The following ABAT variants were observed in gnomAD, a reference collection of about 807,000 sequenced individuals.
The protein encoded by ABAT is 4-aminobutyrate aminotransferase, mitochondrial.
ABAT carries 45 observed loss-of-function variants against 64.6 expected under a neutral mutation model. The observed-to-expected ratio is 0.70, with a 90% CI of 0.55 to 0.89. The LOEUF is 0.89. ABAT is among the 40% of genes least tolerant of loss of function. The pLI is 0.00. For synonymous variants in ABAT, 297 were observed against 250.5 expected, an observed-to-expected ratio of 1.19 and a Z score of -1.75; for missense variants, 633 against 658.4, an observed-to-expected ratio of 0.96 and a Z score of 0.42.
At chr16:8,722,565 G>C (rs1271104469) in intron 1 of ABAT, among the ~76,000 whole-genome samples, 1 of 152,192 alleles carries the variant, frequency 6.6e-6, no homozygotes, top group Non-Finnish European at 1.5e-5. Context: ...CTCAAAGGAA[G>C]GGTAGTATGC....
intron 6 of ABAT, among the ~76,000 whole-genome samples, chr16:8,761,535 T>C (rs2142891938): frequency 6.6e-6 from 1 of 152,356 alleles, no homozygotes; most frequent in Middle Eastern, 3.4e-3. Flanking sequence ...TGCTGGGATT[T>C]GATGGTGAAT....
At chr16:8,681,293 G>A (rs866422731) in intron 1 of ABAT, among the ~76,000 whole-genome samples, 8 of 151,290 alleles carry the variant, frequency 5.3e-5, no homozygotes, top group African/African-American at 1.5e-4. Context: ...GCCTGGCCCA[G>A]AGTTCTTTAT....
At chr16:8,732,722 C>A (rs1421441487) in intron 1 of ABAT, among the ~76,000 whole-genome samples, 1 of 151,002 alleles carries the variant, frequency 6.6e-6, no homozygotes, top group Non-Finnish European at 1.5e-5. Flanking sequence ...GGCCCGTTCT[C>A]AATGAGCTGT....
At chr16:8,676,851 T>C (rs1361642002) in intron 1 of ABAT, among the ~76,000 whole-genome samples, 1 of 152,186 alleles carries the variant, frequency 6.6e-6, no homozygotes, top group Non-Finnish European at 1.5e-5. Flanking sequence ...CTCATCTCTG[T>C]TCAGAGGCCT....
intron 1 of ABAT, among the ~76,000 whole-genome samples, chr16:8,720,366 A>G (rs1484299979): frequency 6.6e-6 from 1 of 152,212 alleles, no homozygotes; most frequent in East Asian, 1.9e-4. Context: ...CTTTCCCCAC[A>G]TCATTCTCAG....
At chr16:8,695,583 C>T (rs1464195985) in intron 1 of ABAT, among the ~76,000 whole-genome samples, 1 of 152,214 alleles carries the variant, frequency 6.6e-6, no homozygotes, top group African/African-American at 2.4e-5. Context: ...TCCACTACAT[C>T]AGAAGACGTT....
Position 8,735,797 on chromosome 16 carries a change from C to G in ABAT, c.58C>G (p.Leu20Val), listed in dbSNP as rs747283357. 9.3e-6 allele frequency: 15 copies of G among 1,604,354 alleles called. No individual in the cohort carries two copies. Among genetic ancestry groups the G allele is most frequent in the Non-Finnish European group, 1.3e-5 (15 of 1,175,710 alleles). Residue 20 changes from leucine (L) to valine (V), a missense_variant, in exon 2 of 16, where the codon CTG becomes GTG. Leu to Val is a conservative substitution (Grantham distance 32). Transcript: ENST00000268251. ...LACSFQHSYR[L>V]LVPGSRHISQ... ...CTGCAGCTTCCAGCACAGCTACCGC[C>G]TGCTGGTGCCTGGTAAGCCCCGGGG...
At chr16:8,777,179 G>A (rs1405897205) in intron 14 of ABAT, among the ~76,000 whole-genome samples, 2 of 152,126 alleles carry the variant, frequency 1.3e-5, no homozygotes, top group Admixed American at 6.6e-5. Context: ...GGGATTTCAC[G>A]AGCATGGGCC....
chr16:8,756,619 G>A (rs72770144), intron 5 of ABAT, among the ~76,000 whole-genome samples: 2,034 of 152,252 alleles, frequency 0.013, 14 homozygotes, highest in Non-Finnish European at 0.022. Flanking sequence ...CAGTGCGTGC[G>A]TAAGCATACA....
At chr16:8,755,179 G>C (rs72770141) in intron 5 of ABAT, among the ~76,000 whole-genome samples, 18,711 of 151,976 alleles carry the variant, frequency 0.12, 1,425 homozygotes, top group East Asian at 0.25. Context: ...TCAAGTCCTG[G>C]TTGGCCCCAC....
rs1291818075 is a variant in ABAT, at chr16:8,783,246, T to A, written c.*1816T>A. ...AATAGCTGCACCATCCCAGGCCCTG[T>A]GCGGAGCATCGGGAATACAAAGATG... is the stretch of plus-strand genomic sequence containing the variant. On this transcript the variant is annotated 3_prime_UTR_variant, in exon 16 of 16. Transcript: ENST00000268251. The A allele has an allele frequency of 6.6e-6, 1 of 152,082 alleles. No individual in the cohort carries two copies. The highest frequency in any genetic ancestry group is 1.5e-5 in the Non-Finnish European group (1 of 68,036). The allele number at this position is 152,082 out of a possible 1,614,324, so 9.4% of individuals were successfully genotyped here. A position where few individuals can be genotyped will look rare whatever the true frequency, so the allele number is the denominator to read the frequency against.
At chr16:8,697,060 A>G (rs187603270) in intron 1 of ABAT, among the ~76,000 whole-genome samples, 4 of 152,292 alleles carry the variant, frequency 2.6e-5, no homozygotes, top group Admixed American at 2.6e-4. Context: ...AACGAATGAG[A>G]AAGAGACAGA....
chr16:8,758,065 A>C (rs1283148830), intron 6 of ABAT, among the ~76,000 whole-genome samples: 1 of 152,226 alleles, frequency 6.6e-6, no homozygotes, highest in Non-Finnish European at 1.5e-5. Context: ...TAAGGTAGGC[A>C]GCGCTTTGTG....
intron 15 of ABAT, chr16:8,780,359 T>G (rs950337952): frequency 4.5e-5 from 7 of 155,150 alleles, no homozygotes; most frequent in Non-Finnish European, 8.6e-5. Flanking sequence ...GTACTCTATG[T>G]CAGGCACATT....
intron 1 of ABAT, among the ~76,000 whole-genome samples, chr16:8,714,391 A>G (rs1361074585): frequency 6.6e-6 from 1 of 152,228 alleles, no homozygotes; most frequent in South Asian, 2.1e-4. Flanking sequence ...GGCATTTCAG[A>G]TAGAGTTTGC....
At chr16:8,726,128 C>T (rs565468114) in intron 1 of ABAT, among the ~76,000 whole-genome samples, 2 of 152,114 alleles carry the variant, frequency 1.3e-5, no homozygotes, top group Non-Finnish European at 2.9e-5. Context: ...TCTCTATGCC[C>T]GTGACTTCAA....
intron 4 of ABAT, among the ~76,000 whole-genome samples, chr16:8,748,685 T>TC (rs567789739): frequency 3.7e-4 from 1 of 2,728 alleles, no homozygotes. Context: ...ATTCTGTTTT[T>TC]GTCTGTGTAT....
At position 8,776,633 on chromosome 16, in the gene ABAT, G is replaced by C. The variant is rs1412035802; in HGVS notation, c.1269+143G>C. The C allele has an allele frequency of 2.2e-6, 2 of 891,452 alleles. No homozygotes were observed. The highest frequency in any genetic ancestry group is 3.3e-5 in the African/African-American group (2 of 60,874). 55.2% of individuals were successfully genotyped at this position (891,452 alleles called of 1,614,324 possible). A position where few individuals can be genotyped will look rare whatever the true frequency, so the allele number is the denominator to read the frequency against. On this transcript the variant is annotated intron_variant, in intron 14 of 15. Coordinates refer to ENST00000268251, the MANE Select transcript of ABAT (RefSeq NM_020686.6). This position sits in a 1 kb window ranked among gnomAD's most constrained non-coding sequence, Gnocchi z 4.4. Reference sequence around the variant, plus strand: ...GGCTGTGCTGCTCCTAGCCTTGGGGGCTTTGCACATGCTGTGTCCTCTGCA... The same window carrying C: ...GGCTGTGCTGCTCCTAGCCTTGGGGCCTTTGCACATGCTGTGTCCTCTGCA...
intron 1 of ABAT, among the ~76,000 whole-genome samples, chr16:8,718,388 T>C (rs989435071): frequency 3.3e-5 from 5 of 152,212 alleles, no homozygotes; most frequent in Non-Finnish European, 7.3e-5. Flanking sequence ...GGTATGTAGC[T>C]AATAAAGAAT....
Sources: allele counts gnomAD v4.1 joint callset (sites outside exome capture counted in the v4.1 genomes callset), GRCh38; gene constraint gnomAD v4.1.1; non-coding constraint Gnocchi (gnomAD v3.1); transcripts MANE v1.5; gene names NCBI Gene and HGNC (gene_info 2026-07-23, HGNC 2026-07-21).